The following NAALADL2 variants were observed in gnomAD, a reference collection of about 807,000 sequenced individuals.
The protein encoded by NAALADL2 is N-acetylated alpha-linked acidic dipeptidase like 2, also known as inactive N-acetylated-alpha-linked acidic dipeptidase-like protein 2.
In NAALADL2, 76 loss-of-function variants were observed where a neutral mutation model predicts 87.2. The ratio of observed to expected loss-of-function variants is 0.87; its 90% CI spans 0.72 to 1.05. The LOEUF is 1.05. Ranked by LOEUF, NAALADL2 falls within the 50% of genes least tolerant of loss-of-function variation. The pLI is 0.00. For missense variants in NAALADL2, 1,089 were observed against 945.8 expected, an observed-to-expected ratio of 1.15 and a Z score of -1.99; for synonymous variants, 354 against 331.0, an observed-to-expected ratio of 1.07 and a Z score of -0.75.
At chr3:174,739,104 TTTCTAGCATAATA>T (rs1733506164) in intron 3 of NAALADL2, among the ~76,000 whole-genome samples, 1 of 152,194 alleles carries the variant, frequency 6.6e-6, no homozygotes, top group African/African-American at 2.4e-5. Context: ...ATAGGTATAT[TTTCTAGCATAATA>T]TTCTAACTTC....
intron 2 of NAALADL2, among the ~76,000 whole-genome samples, chr3:174,574,872 T>C (rs1715354152): frequency 6.6e-6 from 1 of 152,254 alleles, no homozygotes; most frequent in African/African-American, 2.4e-5. Flanking sequence ...TATTTTATTT[T>C]CTGATACAAT....
intron 1 of NAALADL2, among the ~76,000 whole-genome samples, chr3:175,015,955 G>T (rs932357653): frequency 6.6e-6 from 1 of 151,596 alleles, no homozygotes; most frequent in African/African-American, 2.4e-5. Context: ...CTGATAATCA[G>T]TCCTCTAATT....
At chr3:175,556,799 T>C (rs1275721733) in intron 9 of NAALADL2, among the ~76,000 whole-genome samples, 1 of 152,244 alleles carries the variant, frequency 6.6e-6, no homozygotes, top group African/African-American at 2.4e-5. Context: ...TTCTCTAATC[T>C]CTTATCCCTT....
intron 2 of NAALADL2, among the ~76,000 whole-genome samples, chr3:174,629,333 A>C (rs1721891053): frequency 6.6e-6 from 1 of 152,226 alleles, no homozygotes; most frequent in African/African-American, 2.4e-5. Context: ...AGTGCCTAAA[A>C]GCAATTTATC....
At chr3:175,560,947 G>A (rs1372540488) in intron 9 of NAALADL2, among the ~76,000 whole-genome samples, 1 of 152,090 alleles carries the variant, frequency 6.6e-6, no homozygotes, top group South Asian at 2.1e-4. Flanking sequence ...AACATTATTT[G>A]AAGTGGGTTC....
At chr3:175,261,525 C>A in intron 4 of NAALADL2, among the ~76,000 whole-genome samples, 1 of 151,948 alleles carries the variant, frequency 6.6e-6, no homozygotes, top group Non-Finnish European at 1.5e-5. Context: ...GATTAATTAT[C>A]CATTTGTGCA....
chr3:175,184,311 A>G (rs566780838), intron 2 of NAALADL2, among the ~76,000 whole-genome samples: 12 of 152,228 alleles, frequency 7.9e-5, no homozygotes, highest in Non-Finnish European at 1.5e-4. Context: ...ATGCAGATTG[A>G]GCATTGGGTT....
intron 11 of NAALADL2, among the ~76,000 whole-genome samples, chr3:175,697,198 C>A (rs936692501): frequency 1.3e-5 from 2 of 151,934 alleles, no homozygotes; most frequent in East Asian, 3.9e-4. Context: ...CTAGAGGTAG[C>A]GTATAACTTT....
intron 5 of NAALADL2, among the ~76,000 whole-genome samples, chr3:175,338,981 T>C (rs16825468): frequency 0.019 from 2,848 of 152,156 alleles, 73 homozygotes; most frequent in African/African-American, 0.064. Flanking sequence ...AGAGCAGCAA[T>C]TAGAAACAGG....
At chr3:175,440,818 A>G (rs1253935664) in intron 5 of NAALADL2, among the ~76,000 whole-genome samples, 1 of 152,144 alleles carries the variant, frequency 6.6e-6, no homozygotes. Context: ...TTATATGATC[A>G]TGTCATCAGC....
chr3:175,244,032 T>C (rs1029734698), intron 3 of NAALADL2, among the ~76,000 whole-genome samples: 2 of 152,120 alleles, frequency 1.3e-5, no homozygotes, highest in African/African-American at 4.8e-5. Flanking sequence ...GCCTGGACTT[T>C]CAACACAGCA....
At chr3:174,709,643 A>T (rs191367722) in intron 2 of NAALADL2, among the ~76,000 whole-genome samples, 1 of 152,246 alleles carries the variant, frequency 6.6e-6, no homozygotes, top group Admixed American at 6.5e-5. Flanking sequence ...TCAGAGGAAT[A>T]AAAAAATGTT....
intron 1 of NAALADL2, among the ~76,000 whole-genome samples, chr3:174,533,916 TA>T (rs1560037155): frequency 6.6e-6 from 1 of 152,152 alleles, no homozygotes; most frequent in African/African-American, 2.4e-5. Context: ...TAGAATCAAT[TA>T]AAAACAAGAT....
intron 13 of NAALADL2, among the ~76,000 whole-genome samples, chr3:175,772,606 G>A (rs887992055): frequency 3.3e-5 from 5 of 152,200 alleles, no homozygotes; most frequent in East Asian, 1.9e-4. Context: ...CAGCGCGAGC[G>A]GACTAAAGTC....
At chr3:175,217,162 A>T (rs1237210994) in intron 2 of NAALADL2, among the ~76,000 whole-genome samples, 1 of 152,182 alleles carries the variant, frequency 6.6e-6, no homozygotes, top group Admixed American at 6.5e-5. Context: ...TATTCACTTC[A>T]TTTATTTTTG....
chr3:174,920,233 T>G (rs1020851794), intron 1 of NAALADL2, among the ~76,000 whole-genome samples: 4 of 152,204 alleles, frequency 2.6e-5, no homozygotes, highest in Non-Finnish European at 5.9e-5. Context: ...AGGCATCGAC[T>G]CCTCCTCTCT....
chr3:175,301,681 A>G (rs2110225261), intron 4 of NAALADL2, among the ~76,000 whole-genome samples: 1 of 152,334 alleles, frequency 6.6e-6, no homozygotes, highest in East Asian at 1.9e-4. Context: ...GATGTATACC[A>G]GAAAGAAAGT....
chr3:175,109,073 G>A (rs68189654), intron 2 of NAALADL2, among the ~76,000 whole-genome samples: 53,603 of 151,500 alleles, frequency 0.35, 9,802 homozygotes, highest in East Asian at 0.44. Flanking sequence ...ATCTGTTTTC[G>A]ATTGTTTAAT....
intron 2 of NAALADL2, among the ~76,000 whole-genome samples, chr3:175,119,195 A>C (rs1277526257): frequency 6.6e-6 from 1 of 151,708 alleles, no homozygotes; most frequent in African/African-American, 2.4e-5. Context: ...AGCAGGGATG[A>C]GAAATAATAA....
Sources: allele counts gnomAD v4.1 joint callset (sites outside exome capture counted in the v4.1 genomes callset), GRCh38; gene constraint gnomAD v4.1.1; transcripts MANE v1.5; gene names NCBI Gene and HGNC (gene_info 2026-07-23, HGNC 2026-07-21).